Variants in RPTOR observed in about 807,000 individuals in gnomAD.
The protein encoded by RPTOR is regulatory associated protein of MTOR complex 1, also known as regulatory-associated protein of mTOR.
A neutral mutation model predicts 169.9 loss-of-function variants in RPTOR; 21 were observed. The observed-to-expected ratio is 0.12, with a 90% CI of 0.09 to 0.18. The LOEUF (loss-of-function observed/expected upper bound fraction) is 0.18, where lower values mean the gene tolerates loss of function less well. Ranked by LOEUF, RPTOR falls within the 10% of genes least tolerant of loss-of-function variation. The pLI is 1.00. For synonymous variants in RPTOR, 732 were observed against 753.2 expected (o/e 0.97, Z 0.46); for missense variants, 1,133 against 1,855.9 (o/e 0.61, Z 7.16).
At position 80,964,873 on chromosome 17, in the gene RPTOR, G is replaced by A. The variant is rs77271071; in HGVS notation, c.*543G>A. The A allele has an allele frequency of 5.1e-5, 12 of 233,972 alleles. No homozygotes were observed. Among genetic ancestry groups the A allele is most frequent in the Non-Finnish European group, 7.6e-5 (9 of 118,620 alleles). 14.5% of individuals were successfully genotyped at this position (233,972 alleles called of 1,614,324 possible). On this transcript the variant is annotated 3_prime_UTR_variant, in exon 34 of 34. Coordinates refer to ENST00000306801, the MANE Select transcript of RPTOR (RefSeq NM_020761.3). ...GCCAGCTGGGGGACACTGGAAATTCGGGAAACCAAGAGAGAGGAAGAAGGA... is the reference window on the plus strand; with the variant it reads ...GCCAGCTGGGGGACACTGGAAATTCAGGAAACCAAGAGAGAGGAAGAAGGA...
At chr17:80,625,927 G>T in intron 2 of RPTOR, 134 bp downstream of exon 2, 2 of 641,010 alleles carry the variant, frequency 3.1e-6, no homozygotes, top group Non-Finnish European at 5.6e-6. Flanking sequence ...TTTCTTTCTG[G>T]AGTCACATCA....
chr17:80,669,177 A>G (rs2065803426), intron 3 of RPTOR, among the ~76,000 whole-genome samples: 1 of 152,090 alleles, frequency 6.6e-6, no homozygotes. Flanking sequence ...AGGGCGTGGG[A>G]ATGTGGGTAG....
At chr17:80,560,872 A>G (rs1200046576) in intron 1 of RPTOR, among the ~76,000 whole-genome samples, 1 of 151,930 alleles carries the variant, frequency 6.6e-6, no homozygotes, top group African/African-American at 2.4e-5. Flanking sequence ...CTGGCGGTCA[A>G]TAGGTGATCA....
chr17:80,815,775 C>A (rs906029902), intron 7 of RPTOR, among the ~76,000 whole-genome samples: 5 of 152,328 alleles, frequency 3.3e-5, no homozygotes, highest in African/African-American at 1.2e-4. Context: ...CAGCTGTCAT[C>A]CTGTGCTGGA....
intron 3 of RPTOR, among the ~76,000 whole-genome samples, chr17:80,684,358 T>A (rs1200168401): frequency 6.6e-6 from 1 of 150,764 alleles, no homozygotes; most frequent in Admixed American, 6.6e-5. Flanking sequence ...TTCATTACTT[T>A]CAGGCATATC....
At chr17:80,660,508 T>C (rs886347656) in intron 3 of RPTOR, among the ~76,000 whole-genome samples, 6 of 152,142 alleles carry the variant, frequency 3.9e-5, no homozygotes, top group South Asian at 4.1e-4. Flanking sequence ...ATGGCCACAC[T>C]CTGAGGAGCA....
chr17:80,653,948 TA>T (rs2065660299), intron 3 of RPTOR, among the ~76,000 whole-genome samples: 1 of 152,198 alleles, frequency 6.6e-6, no homozygotes, highest in Admixed American at 6.5e-5. Context: ...TTTTCAAGAT[TA>T]AATTCCCCCC....
chr17:80,715,626 G>A (rs550653751), intron 4 of RPTOR, among the ~76,000 whole-genome samples: 1 of 151,554 alleles, frequency 6.6e-6, no homozygotes, highest in East Asian at 1.9e-4. Flanking sequence ...TAGGTTATTG[G>A]GGTACAGGTG....
At chr17:80,649,394 G>A (rs144517334) in intron 3 of RPTOR, among the ~76,000 whole-genome samples, 5 of 152,184 alleles carry the variant, frequency 3.3e-5, no homozygotes, top group South Asian at 2.1e-4. Context: ...CATCCATCCC[G>A]TCTTGCTGTC....
Position 80,903,244 on chromosome 17 carries a change from C to T in RPTOR, c.2402-5567C>T, listed in dbSNP as rs908239. Among the ~76,000 whole-genome samples, 391 of 152,346 alleles carry T rather than the reference C, an allele frequency of 2.6e-3. 6 individuals carry two copies. The highest frequency in any genetic ancestry group is 9.1e-3 in the African/African-American group (377 of 41,574). On this transcript the variant is annotated intron_variant, in intron 20 of 33. Transcript: ENST00000306801. Reference sequence around the variant, plus strand: ...TGGCCAGCGGCAGAGCCAGAAGCCCCGCAGGCCGCCTGTGCTCTCCACACC... The same window carrying T: ...TGGCCAGCGGCAGAGCCAGAAGCCCTGCAGGCCGCCTGTGCTCTCCACACC...
intron 1 of RPTOR, among the ~76,000 whole-genome samples, chr17:80,619,733 AAACCCTCCTGGGTGTGTT>A (rs963205264): frequency 3.4e-4 from 52 of 152,296 alleles, no homozygotes; most frequent in Non-Finnish European, 5.0e-4. Context: ...GTGCTGCTCC[AAACCCTCCTGGGTGTGTT>A]AACCCTCCTG....
intron 3 of RPTOR, among the ~76,000 whole-genome samples, chr17:80,690,574 C>A (rs4889883): frequency 0.18 from 26,638 of 151,428 alleles, 3,742 homozygotes; most frequent in African/African-American, 0.39. Flanking sequence ...GCTTCTCCCC[C>A]CTTGCCCTGG....
At chr17:80,693,316 G>A (rs1312621272) in intron 3 of RPTOR, among the ~76,000 whole-genome samples, 1 of 152,222 alleles carries the variant, frequency 6.6e-6, no homozygotes, top group Non-Finnish European at 1.5e-5. Context: ...GACAACACCA[G>A]TGCCCCCGAG....
intron 7 of RPTOR, among the ~76,000 whole-genome samples, chr17:80,814,962 A>T (rs2067308866): frequency 6.6e-6 from 1 of 152,192 alleles, no homozygotes; most frequent in African/African-American, 2.4e-5. Flanking sequence ...GTGTCCCCTA[A>T]GCCAAGAAGA....
intron 2 of RPTOR, among the ~76,000 whole-genome samples, chr17:80,640,237 TAGAAG>T (rs559930835): frequency 1.4e-3 from 216 of 152,306 alleles, no homozygotes; most frequent in African/African-American, 4.0e-3. Flanking sequence ...ATAAAGGAAT[TAGAAG>T]AGAAATGTTT....
At chr17:80,560,693 C>T (rs1751615887) in intron 1 of RPTOR, among the ~76,000 whole-genome samples, 1 of 152,152 alleles carries the variant, frequency 6.6e-6, no homozygotes, top group Admixed American at 6.5e-5. Flanking sequence ...TTCCCTTGTG[C>T]TGTGGGAGCC....
At chr17:80,955,462 G>A (rs1454653099) in intron 28 of RPTOR, among the ~76,000 whole-genome samples, 1 of 152,150 alleles carries the variant, frequency 6.6e-6, no homozygotes, top group African/African-American at 2.4e-5. Flanking sequence ...GCCTTTCAGA[G>A]AAAAATCAAG....
rs543908112 is a variant in RPTOR at position 80,707,214 on chromosome 17, A to G, written c.349-627A>G. 1.3e-5 allele frequency among the ~76,000 whole-genome samples: 2 copies of G among 152,194 alleles called. No individual in the cohort carries two copies. The highest frequency in any genetic ancestry group is 4.8e-5 in the African/African-American group (2 of 41,522). ...TTCATTTGAGCAAATTCTCTCTTCCATGCTCCAGATGTTTTCAGAAGGACC... is the reference window on the plus strand; with the variant it reads ...TTCATTTGAGCAAATTCTCTCTTCCGTGCTCCAGATGTTTTCAGAAGGACC... On this transcript the variant is annotated intron_variant, in intron 3 of 33. Coordinates refer to ENST00000306801, the MANE Select transcript of RPTOR (RefSeq NM_020761.3). The surrounding 1 kb of genome is among the most constrained non-coding windows in gnomAD (Gnocchi z 5.0).
chr17:80,566,816 T>TC (rs370008349), intron 1 of RPTOR, among the ~76,000 whole-genome samples: 837 of 75,024 alleles, frequency 0.011, 24 homozygotes, highest in African/African-American at 0.045. Flanking sequence ...AGAGCGAGAC[T>TC]CCGTCTCAAA....
Sources: gnomAD v4.1 joint callset for allele counts (sites outside exome capture counted in the v4.1 genomes callset) on GRCh38, gnomAD v4.1.1 for gene constraint, Gnocchi (gnomAD v3.1) non-coding constraint, MANE v1.5 for transcripts, NCBI Gene and HGNC (gene_info 2026-07-23, HGNC 2026-07-21) for gene names.